The following PAIP1 variants were observed in gnomAD, a reference collection of about 807,000 sequenced individuals.
The protein encoded by PAIP1 is poly(A) binding protein interacting protein 1.
A neutral mutation model predicts 61.3 loss-of-function variants in PAIP1; 16 were observed. That is an observed-to-expected ratio of 0.26 (90% CI 0.18 to 0.40). The LOEUF (loss-of-function observed/expected upper bound fraction) is 0.40, where lower values mean the gene tolerates loss of function less well. PAIP1 is among the 10% of genes least tolerant of loss of function. The pLI, the probability that PAIP1 is intolerant of heterozygous loss-of-function variation, is 1.00. For synonymous variants in PAIP1, 187 were observed against 226.2 expected (o/e 0.83, Z 1.56); for missense variants, 416 against 600.9 (o/e 0.69, Z 3.22).
At chr5:43,535,710 T>C (rs147500709) in intron 6 of PAIP1, 70 bp from the exon 7 acceptor site, 65 of 812,478 alleles carry the variant, frequency 8.0e-5, no homozygotes, top group Non-Finnish European at 1.1e-4. Flanking sequence ...AAGATACCAG[T>C]AACAGTTCAA....
Position 43,543,101 on chromosome 5 carries a change from T to C in PAIP1, c.637A>G (p.Asn213Asp), listed in dbSNP as rs775238326. 1 of 1,594,080 alleles carries C rather than the reference T, an allele frequency of 6.3e-7. No homozygotes were observed. The highest frequency in any genetic ancestry group is 1.3e-5 in the African/African-American group (1 of 74,510). The change falls in exon 4 of 11, where the codon AAT (asparagine) becomes GAT (aspartate). Residue 213 changes from asparagine to aspartate, a missense_variant. Coordinates refer to ENST00000306846, the MANE Select transcript of PAIP1 (RefSeq NM_006451.5). Reference sequence around the variant, plus strand: ...AGGCGAGCTCCCATATAAGAGAAATTTGGGATAGATGTGGCCTTTTAAAAA... The same window carrying C: ...AGGCGAGCTCCCATATAAGAGAAATCTGGGATAGATGTGGCCTTTTAAAAA... ...LIYQQATSIP[N>D]FSYMGARLCN...
intron 2 of PAIP1, among the ~76,000 whole-genome samples, chr5:43,548,277 A>G (rs1339699783): frequency 6.6e-6 from 1 of 152,164 alleles, no homozygotes; most frequent in African/African-American, 2.4e-5. Flanking sequence ...GTGGGAGGGG[A>G]AGTATGGACT....
At chr5:43,551,732 G>T (rs116695782) in intron 2 of PAIP1, among the ~76,000 whole-genome samples, 1 of 143,878 alleles carries the variant, frequency 7.0e-6, no homozygotes. Context: ...TGCTTAGAGC[G>T]CTGATTTGCA....
chr5:43,535,856 A>G (rs10941640), intron 6 of PAIP1, among the ~76,000 whole-genome samples: 61,804 of 152,002 alleles, frequency 0.41, 14,664 homozygotes, highest in East Asian at 0.78. Flanking sequence ...ACAATAGCAG[A>G]ACTTTAATCA....
intron 3 of PAIP1, among the ~76,000 whole-genome samples, chr5:43,547,313 C>T (rs567928991): frequency 6.6e-6 from 1 of 152,150 alleles, no homozygotes; most frequent in East Asian, 1.9e-4. Flanking sequence ...TCTAATACTA[C>T]TATTCAATTC....
rs191263776 is a variant in PAIP1 at position 43,540,560 on chromosome 5, A to G, written c.735-1525T>C. Among the ~76,000 whole-genome samples the G allele has an allele frequency of 4.4e-4, 67 of 152,356 alleles. 2 individuals carry two copies. In the East Asian group the frequency reaches 0.012, roughly 27 times the overall value. On this transcript the variant is annotated intron_variant, in intron 4 of 10. Coordinates refer to ENST00000306846, the MANE Select transcript of PAIP1 (RefSeq NM_006451.5). ...GGAAAGGTTAAAACAGAAAAAGTATAAAGAACAAAGTCACCTGCACTACTA... is the reference window on the plus strand; with the variant it reads ...GGAAAGGTTAAAACAGAAAAAGTATGAAGAACAAAGTCACCTGCACTACTA...
At chr5:43,557,081 T>C, upstream of PAIP1, 1 of 742,300 alleles carries the variant, frequency 1.3e-6, no homozygotes, top group Non-Finnish European at 1.8e-6. Flanking sequence ...GCTTTCCAGT[T>C]CTCCCCCAAA....
At chr5:43,550,796 AC>A (rs1301156489) in intron 2 of PAIP1, among the ~76,000 whole-genome samples, 1 of 132,446 alleles carries the variant, frequency 7.6e-6, no homozygotes, top group Non-Finnish European at 1.5e-5. Flanking sequence ...TGGAGCTCAT[AC>A]CCCATGATGG....
At chr5:43,541,855 G>C (rs999577108) in intron 4 of PAIP1, among the ~76,000 whole-genome samples, 1 of 151,746 alleles carries the variant, frequency 6.6e-6, no homozygotes, top group Admixed American at 6.6e-5. Context: ...TGATTCTAAA[G>C]TTCATTAGAC....
intron 2 of PAIP1, among the ~76,000 whole-genome samples, chr5:43,554,733 C>T (rs1318056227): frequency 6.6e-6 from 1 of 152,136 alleles, no homozygotes; most frequent in Non-Finnish European, 1.5e-5. Context: ...TCATACACTA[C>T]TCAGAATGTA....
chr5:43,529,733 C>A lies in PAIP1; in HGVS notation c.1346+53G>T, dbSNP rs954546140. 11 of 925,082 alleles carry A rather than the reference C, an allele frequency of 1.2e-5. No homozygotes were observed. In the African/African-American group the frequency reaches 1.6e-4, roughly 14 times the overall value. 57.3% of individuals were successfully genotyped at this position (925,082 alleles called of 1,614,324 possible). A position where few individuals can be genotyped will look rare whatever the true frequency, so the allele number is the denominator to read the frequency against. Reference sequence around the variant, plus strand: ...CATGAGCTACTTTGTCTAATCTCCACCTATAAATTAGACACAGAAATTTCA... The same window carrying A: ...CATGAGCTACTTTGTCTAATCTCCAACTATAAATTAGACACAGAAATTTCA... On this transcript the variant is annotated intron_variant, in intron 10 of 10. Coordinates refer to ENST00000306846, the MANE Select transcript of PAIP1 (RefSeq NM_006451.5).
At chr5:43,543,965 G>A (rs959950505) in intron 3 of PAIP1, among the ~76,000 whole-genome samples, 1 of 151,936 alleles carries the variant, frequency 6.6e-6, no homozygotes, top group East Asian at 1.9e-4. Flanking sequence ...AACACAGTGT[G>A]ACCACCATCT....
intron 5 of PAIP1, among the ~76,000 whole-genome samples, chr5:43,538,432 T>C (rs1747244333): frequency 6.6e-6 from 1 of 152,222 alleles, no homozygotes; most frequent in African/African-American, 2.4e-5. Flanking sequence ...TATCAAAGTG[T>C]TGTGTACCAT....
Position 43,556,367 on chromosome 5 carries a change from C to A in PAIP1, c.265+215G>T, listed in dbSNP as rs1372787202. ...CCGAACTCCGAGACCGCGCACCCGGCCCCTCCCCCCAGCCAGGCGCACAAA... is the reference window on the plus strand; with the variant it reads ...CCGAACTCCGAGACCGCGCACCCGGACCCTCCCCCCAGCCAGGCGCACAAA... On this transcript the variant is annotated intron_variant, in intron 1 of 10. Coordinates refer to ENST00000306846, the MANE Select transcript of PAIP1 (RefSeq NM_006451.5). 8 of 1,233,974 alleles carry A rather than the reference C, an allele frequency of 6.5e-6. No individual in the cohort carries two copies. In the South Asian group the frequency reaches 2.8e-4, roughly 44 times the overall value. The allele number at this position is 1,233,974 out of a possible 1,614,324, so 76.4% of individuals were successfully genotyped here. A position where few individuals can be genotyped will look rare whatever the true frequency, so the allele number is the denominator to read the frequency against.
rs2112366569 is a variant in PAIP1 at position 43,526,488 on chromosome 5, ATAT to A, written c.*885_*887del. 1 of 152,070 alleles carries A rather than the reference ATAT, an allele frequency of 6.6e-6. No individual in the cohort carries two copies. The highest frequency in any genetic ancestry group is 1.9e-4 in the East Asian group (1 of 5,190). The allele number at this position is 152,070 out of a possible 1,614,324, so 9.4% of individuals were successfully genotyped here. A position where few individuals can be genotyped will look rare whatever the true frequency, so the allele number is the denominator to read the frequency against. ...GAAAAAGATTTGACATTAGGTAAAA[ATAT>A]TATTTATTAGGGCTGAGGTGGTACC... On this transcript the variant is annotated 3_prime_UTR_variant, in exon 11 of 11. Coordinates refer to ENST00000306846, the MANE Select transcript of PAIP1 (RefSeq NM_006451.5).
At chr5:43,545,151 C>T (rs147883977) in intron 3 of PAIP1, among the ~76,000 whole-genome samples, 112 of 152,336 alleles carry the variant, frequency 7.4e-4, no homozygotes, top group African/African-American at 2.5e-3. Flanking sequence ...TATCCCTAAA[C>T]TCACTACTCT....
rs771147755 is a variant in PAIP1 at position 43,534,964 on chromosome 5, T to G, written c.1086A>C (p.Val362=). 12 of 1,568,778 alleles carry G rather than the reference T, an allele frequency of 7.6e-6. No homozygotes were observed. Among genetic ancestry groups the G allele is most frequent in the African/African-American group, 2.7e-5 (2 of 74,042 alleles). The change falls in exon 8 of 11, where the codon GTA becomes GTC. Residue 362 remains valine (V), a synonymous_variant. Transcript: ENST00000306846. The part of the protein sequence containing the change: ...VVLDANCSRD[V]KQMLLKLVEL... ...CTACAAGCTTCAAGAGCATCTGTTT[T>G]ACATCTCTGTAGACAAAGTTGAAAA...
At chr5:43,532,822 A>C (rs1746994451) in intron 9 of PAIP1, among the ~76,000 whole-genome samples, 1 of 152,230 alleles carries the variant, frequency 6.6e-6, no homozygotes, top group African/African-American at 2.4e-5. Flanking sequence ...GCAATTCTCA[A>C]AGAAAGAAAT....
chr5:43,527,252 T>A lies in PAIP1; in HGVS notation c.*124A>T. The A allele has an allele frequency of 1.8e-6, 1 of 550,506 alleles. No homozygotes were observed. The highest frequency in any genetic ancestry group is 3.8e-5 in the South Asian group (1 of 26,132). 34.1% of individuals were successfully genotyped at this position (550,506 alleles called of 1,614,324 possible). On this transcript the variant is annotated 3_prime_UTR_variant, in exon 11 of 11. Transcript: ENST00000306846. ...AGTGTTAAACAAAATTAAAGTTGCA[T>A]ACATTAGTAACATAACTCAACATCC...
Sources: gnomAD v4.1 joint callset for allele counts (sites outside exome capture counted in the v4.1 genomes callset) on GRCh38, gnomAD v4.1.1 for gene constraint, MANE v1.5 for transcripts, NCBI Gene and HGNC (gene_info 2026-07-23, HGNC 2026-07-21) for gene names.